SHB: variants seen among roughly 807,000 people sequenced by gnomAD.
The protein encoded by SHB is SH2 domain containing adaptor protein B.
In SHB, 20 loss-of-function variants were observed where a neutral mutation model predicts 52.3. The ratio of observed to expected loss-of-function variants is 0.38; its 90% confidence interval spans 0.27 to 0.56. The LOEUF is 0.56. Among genes scored for constraint, SHB ranks in the 20% least tolerant of loss-of-function variants. The pLI, the probability that SHB is intolerant of heterozygous loss-of-function variation, is 0.71. For synonymous variants in SHB, 397 were observed against 316.5 expected, an observed-to-expected ratio of 1.25 and a Z score of -2.70; for missense variants, 825 against 723.3, an observed-to-expected ratio of 1.14 and a Z score of -1.61.
At chr9:37,938,948 G>A (rs148283458) in intron 5 of SHB, among the ~76,000 whole-genome samples, 1 of 152,238 alleles carries the variant, frequency 6.6e-6, no homozygotes, top group East Asian at 1.9e-4. Context: ...TCTTTTCCAG[G>A]TCTACGTTGC....
Position 37,981,332 on chromosome 9 carries a change from A to G in SHB, c.839-6495T>C, listed in dbSNP as rs373406039. Among the ~76,000 whole-genome samples the G allele has an allele frequency of 1.0e-3, 154 of 152,368 alleles. No homozygotes were observed. In the Middle Eastern group the frequency reaches 0.02, roughly 20 times the overall value. ...CACCACACACTTCCATGTTATGGAA[A>G]TGGCTTCTTTCCTTAAACCTCAGAA... is the stretch of plus-strand genomic sequence containing the variant. On this transcript the variant is annotated intron_variant, in intron 2 of 5. Transcript: ENST00000377707.
At chr9:38,016,249 C>G in intron 1 of SHB, 118 bp from the exon 2 acceptor site, 1 of 1,089,214 alleles carries the variant, frequency 9.2e-7, no homozygotes, top group Non-Finnish European at 1.3e-6. Flanking sequence ...GAGGCAGGAA[C>G]TAAAGCCGGC....
chr9:38,040,943 G>A lies in SHB; in HGVS notation c.718-24812C>T, dbSNP rs535468556. ...GGGAATAAAGCCACACTGGGGACAC[G>A]TGGCAGGGCTGGGGTGGAAGATACT... On this transcript the variant is annotated intron_variant, in intron 1 of 5. Transcript: ENST00000377707. 3.3e-5 allele frequency among the ~76,000 whole-genome samples: 5 copies of A among 152,118 alleles called. No homozygotes were observed. The East Asian group carries it at 5.8e-4, about 18-fold the overall frequency.
At chr9:38,043,679 C>T (rs1280380085) in intron 1 of SHB, among the ~76,000 whole-genome samples, 4 of 152,116 alleles carry the variant, frequency 2.6e-5, no homozygotes, top group Non-Finnish European at 4.4e-5. Context: ...CACCTGAGGT[C>T]GGGAGTTTGA....
chr9:37,998,191 G>A lies in SHB; in HGVS notation c.838+17820C>T, dbSNP rs561553179. Among the ~76,000 whole-genome samples, 18 of 136,464 alleles carry A rather than the reference G, an allele frequency of 1.3e-4. No individual in the cohort carries two copies. The East Asian group carries it at 2.4e-3, about 19-fold the overall frequency. 89.5% of individuals were successfully genotyped at this position (136,464 alleles called of 152,430 possible). ...TTACGATTCCAAGGCACCAGTGGCC[G>A]GGAGCAGGCAGCTTGGAGGGAGGAG... On this transcript the variant is annotated intron_variant, in intron 2 of 5. Coordinates refer to ENST00000377707, the MANE Select transcript of SHB (RefSeq NM_003028.3).
chr9:38,058,056 C>T (rs1239043372), intron 1 of SHB, among the ~76,000 whole-genome samples: 1 of 152,238 alleles, frequency 6.6e-6, no homozygotes, highest in Non-Finnish European at 1.5e-5. Flanking sequence ...TTGCCACCTT[C>T]CTCTATCCCT....
At chr9:37,942,359 G>A (rs1832444476) in intron 5 of SHB, among the ~76,000 whole-genome samples, 1 of 152,248 alleles carries the variant, frequency 6.6e-6, no homozygotes, top group African/African-American at 2.4e-5. Context: ...TCCTTGGACT[G>A]AGAGGAAAGT....
chr9:38,052,638 G>C (rs562645976), intron 1 of SHB, among the ~76,000 whole-genome samples: 16 of 152,194 alleles, frequency 1.1e-4, no homozygotes. Context: ...GCCCAGCTTA[G>C]AGCCTCCCCA....
intron 1 of SHB, among the ~76,000 whole-genome samples, chr9:38,062,098 A>T (rs1016209650): frequency 6.6e-6 from 1 of 152,254 alleles, no homozygotes; most frequent in African/African-American, 2.4e-5. Flanking sequence ...GAAGAGTAGC[A>T]TTAAGTAAAG....
rs142105753 is a variant in SHB, at chr9:38,044,525, A to AGGTG, written c.717+23400_717+23403dup. Among the ~76,000 whole-genome samples the AGGTG allele has an allele frequency of 4.0e-3, 608 of 152,268 alleles. 2 individuals are homozygous for AGGTG. The highest frequency in any genetic ancestry group is 0.014 in the African/African-American group (569 of 41,552). The stretch of plus-strand genomic sequence containing the variant: ...CCCAGCTAAAAGCTCTCCATAGAGG[A>AGGTG]GGTGGTAATTACTAACTGTTTTTAA... On this transcript the variant is annotated intron_variant, in intron 1 of 5. Coordinates refer to ENST00000377707, the MANE Select transcript of SHB (RefSeq NM_003028.3).
At chr9:38,029,942 C>G (rs1350396448) in intron 1 of SHB, among the ~76,000 whole-genome samples, 1 of 152,226 alleles carries the variant, frequency 6.6e-6, no homozygotes, top group Admixed American at 6.5e-5. Flanking sequence ...TGCGTGTACA[C>G]AAGCAAGTAT....
At chr9:38,053,852 A>C (rs1821781252) in intron 1 of SHB, among the ~76,000 whole-genome samples, 1 of 152,242 alleles carries the variant, frequency 6.6e-6, no homozygotes, top group Non-Finnish European at 1.5e-5. Flanking sequence ...AGCCATTTCA[A>C]CAAATGATTT....
intron 2 of SHB, among the ~76,000 whole-genome samples, chr9:38,009,497 G>A (rs1010143898): frequency 6.6e-6 from 1 of 152,270 alleles, no homozygotes; most frequent in Non-Finnish European, 1.5e-5. Flanking sequence ...GAAGCCCAGA[G>A]AAGAGAAGCA....
chr9:37,982,401 G>A (rs919535852), intron 2 of SHB, among the ~76,000 whole-genome samples: 1 of 152,076 alleles, frequency 6.6e-6, no homozygotes, highest in African/African-American at 2.4e-5. Flanking sequence ...GCTGAGGCAG[G>A]AGAATTGCTT....
In SHB at chr9:38,036,125, C is replaced by A. The variant is rs193175784; in HGVS notation, c.718-19994G>T. Among the ~76,000 whole-genome samples, 55 of 152,318 alleles carry A rather than the reference C, an allele frequency of 3.6e-4. No individual in the cohort carries two copies. The East Asian group carries it at 0.01, about 29-fold the overall frequency. Reference sequence around the variant, plus strand: ...ACCCAGGCACAGACAGGCCCAAACTCCTGTTCCAGAGCTTGGGATACCAGG... The same window carrying A: ...ACCCAGGCACAGACAGGCCCAAACTACTGTTCCAGAGCTTGGGATACCAGG... On this transcript the variant is annotated intron_variant, in intron 1 of 5. Transcript: ENST00000377707.
intron 2 of SHB, among the ~76,000 whole-genome samples, chr9:37,994,018 A>AC (rs1314364000): frequency 6.6e-6 from 1 of 152,200 alleles, no homozygotes; most frequent in Non-Finnish European, 1.5e-5. Flanking sequence ...CCCAGACAGC[A>AC]CCCCGTCTCC....
At chr9:37,952,185 C>T (rs1398442452) in intron 4 of SHB, among the ~76,000 whole-genome samples, 1 of 152,146 alleles carries the variant, frequency 6.6e-6, no homozygotes, top group Non-Finnish European at 1.5e-5. Flanking sequence ...CAGATAGTGA[C>T]AAGGGTTATG....
chr9:38,002,435 A>G (rs1044310250), intron 2 of SHB, among the ~76,000 whole-genome samples: 5 of 152,196 alleles, frequency 3.3e-5, no homozygotes, highest in African/African-American at 9.7e-5. Context: ...ACCGACCTGG[A>G]CAGGGTTCCT....
intron 1 of SHB, among the ~76,000 whole-genome samples, chr9:38,019,528 G>T (rs1821257719): frequency 6.6e-6 from 1 of 152,246 alleles, no homozygotes; most frequent in African/African-American, 2.4e-5. Context: ...AGAGGAAGGT[G>T]GGTGTTGCCC....
Sources: gnomAD v4.1 joint callset for allele counts (sites outside exome capture counted in the v4.1 genomes callset) on GRCh38, gnomAD v4.1.1 for gene constraint, MANE v1.5 for transcripts, NCBI Gene and HGNC (gene_info 2026-07-23, HGNC 2026-07-21) for gene names.